NALF1: variants seen among roughly 807,000 people sequenced by gnomAD.
The protein encoded by NALF1 is family with sequence similarity 155 member A.
A neutral mutation model predicts 48.4 loss-of-function variants in NALF1; 3 were observed. The ratio of observed to expected loss-of-function variants is 0.06; its 90% CI spans 0.03 to 0.16. The LOEUF (loss-of-function observed/expected upper bound fraction) is 0.16. Among genes scored for constraint, NALF1 ranks in the 10% least tolerant of loss-of-function variants. The pLI is 1.00. For synonymous variants in NALF1, 262 were observed against 245.7 expected (o/e 1.07, Z -0.62); for missense variants, 526 against 571.5 (o/e 0.92, Z 0.81).
At chr13:107,727,080 G>C (rs1472185790) in intron 1 of NALF1, among the ~76,000 whole-genome samples, 1 of 152,014 alleles carries the variant, frequency 6.6e-6, no homozygotes, top group African/African-American at 2.4e-5. Flanking sequence ...AAAGTGCTGG[G>C]ATTACAGGCG....
intron 1 of NALF1, among the ~76,000 whole-genome samples, chr13:107,851,310 T>C (rs566261738): frequency 1.3e-5 from 2 of 152,132 alleles, no homozygotes; most frequent in East Asian, 1.9e-4. Context: ...AGCTTTAAAA[T>C]TGCACATCTG....
chr13:107,249,632 A>G (rs966826583), intron 1 of NALF1, among the ~76,000 whole-genome samples: 38 of 151,996 alleles, frequency 2.5e-4, no homozygotes, highest in Admixed American at 1.2e-3. Context: ...GGCCAAAACT[A>G]TTTCACTATG....
At chr13:107,575,746 T>A (rs943349308) in intron 1 of NALF1, among the ~76,000 whole-genome samples, 1 of 152,114 alleles carries the variant, frequency 6.6e-6, no homozygotes, top group Non-Finnish European at 1.5e-5. Context: ...TGTGAAAAAA[T>A]CAGATTTTGC....
At chr13:107,773,703 G>A (rs1877643367) in intron 1 of NALF1, among the ~76,000 whole-genome samples, 1 of 117,348 alleles carries the variant, frequency 8.5e-6, no homozygotes, top group South Asian at 3.3e-4. Context: ...CACAGGAAGG[G>A]GAACATCGCA....
At chr13:107,416,460 A>G (rs1884091039) in intron 1 of NALF1, among the ~76,000 whole-genome samples, 1 of 152,032 alleles carries the variant, frequency 6.6e-6, no homozygotes, top group South Asian at 2.1e-4. Flanking sequence ...CATCCTACTC[A>G]AAGTGAACAC....
intron 1 of NALF1, among the ~76,000 whole-genome samples, chr13:107,629,301 C>T (rs1182970779): frequency 2.0e-5 from 3 of 152,128 alleles, no homozygotes; most frequent in African/African-American, 7.2e-5. Context: ...ACCCACTGTA[C>T]ACATACTTAT....
intron 1 of NALF1, among the ~76,000 whole-genome samples, chr13:107,339,070 C>T (rs962366087): frequency 5.4e-5 from 8 of 147,380 alleles, no homozygotes; most frequent in African/African-American, 2.0e-4. Context: ...GGAGGTGGAG[C>T]TTGCAGTGAG....
chr13:107,655,823 T>C (rs559593985), intron 1 of NALF1, among the ~76,000 whole-genome samples: 2 of 152,208 alleles, frequency 1.3e-5, no homozygotes, highest in South Asian at 4.1e-4. Flanking sequence ...CATATACTAA[T>C]GGAACAGAAT....
intron 1 of NALF1, among the ~76,000 whole-genome samples, chr13:107,349,333 GA>G (rs1882829666): frequency 6.6e-6 from 1 of 152,078 alleles, no homozygotes; most frequent in South Asian, 2.1e-4. Context: ...CTGTGGCTCT[GA>G]AATAAAAGTG....
chr13:107,734,128 A>C (rs755513389), intron 1 of NALF1, among the ~76,000 whole-genome samples: 1 of 152,126 alleles, frequency 6.6e-6, no homozygotes, highest in Non-Finnish European at 1.5e-5. Flanking sequence ...TGTCACCAAG[A>C]ATAGGAATTT....
intron 1 of NALF1, among the ~76,000 whole-genome samples, chr13:107,750,835 G>C (rs1390142091): frequency 6.6e-6 from 1 of 152,208 alleles, no homozygotes; most frequent in Non-Finnish European, 1.5e-5. Flanking sequence ...TGTTTCATGT[G>C]CTCTGTAAAG....
At chr13:107,527,236 G>A (rs2139103083) in intron 1 of NALF1, among the ~76,000 whole-genome samples, 1 of 152,204 alleles carries the variant, frequency 6.6e-6, no homozygotes, top group South Asian at 2.1e-4. Flanking sequence ...GGAAGCATGA[G>A]TGGATTTCTG....
At chr13:107,338,003 T>C (rs1322143980) in intron 1 of NALF1, among the ~76,000 whole-genome samples, 1 of 152,220 alleles carries the variant, frequency 6.6e-6, no homozygotes, top group African/African-American at 2.4e-5. Context: ...CATCAGTAAC[T>C]AAAAAGCTGT....
At chr13:107,277,857 C>T (rs1056804422) in intron 1 of NALF1, among the ~76,000 whole-genome samples, 1 of 152,176 alleles carries the variant, frequency 6.6e-6, no homozygotes, top group Non-Finnish European at 1.5e-5. Context: ...AGGAGTTCAG[C>T]GGATGTGCCA....
chr13:107,645,522 T>G (rs1212000374), intron 1 of NALF1, among the ~76,000 whole-genome samples: 1 of 152,108 alleles, frequency 6.6e-6, no homozygotes, highest in Non-Finnish European at 1.5e-5. Flanking sequence ...GCTATATTAG[T>G]ATTTACAACC....
chr13:107,426,993 T>C (rs949944320), intron 1 of NALF1, among the ~76,000 whole-genome samples: 2 of 151,880 alleles, frequency 1.3e-5, no homozygotes, highest in Non-Finnish European at 2.9e-5. Context: ...AACAAGTACA[T>C]AGAACATTAT....
chr13:107,217,531 T>C (rs769645005), intron 1 of NALF1, among the ~76,000 whole-genome samples: 1 of 152,202 alleles, frequency 6.6e-6, no homozygotes, highest in Non-Finnish European at 1.5e-5. Context: ...TTACCAATGC[T>C]GATCTCTCTC....
At chr13:107,675,158 C>G (rs1309369977) in intron 1 of NALF1, among the ~76,000 whole-genome samples, 1 of 152,182 alleles carries the variant, frequency 6.6e-6, no homozygotes, top group Non-Finnish European at 1.5e-5. Context: ...TAGATTTTCA[C>G]TTCCCAAAGG....
intron 1 of NALF1, among the ~76,000 whole-genome samples, chr13:107,811,881 A>G (rs149849595): frequency 6.6e-6 from 1 of 152,316 alleles, no homozygotes; most frequent in African/African-American, 2.4e-5. Context: ...TACGATGGGA[A>G]TTAAGTTTCC....
Sources: gnomAD v4.1 joint callset for allele counts (sites outside exome capture counted in the v4.1 genomes callset) on GRCh38, gnomAD v4.1.1 for gene constraint, MANE v1.5 for transcripts, NCBI Gene and HGNC (gene_info 2026-07-23, HGNC 2026-07-21) for gene names.